The following ITGB1 variants were observed in gnomAD, a reference collection of about 807,000 sequenced individuals.
The protein encoded by ITGB1 is integrin subunit beta 1.
A neutral mutation model predicts 86.5 loss-of-function variants in ITGB1; 24 were observed. That is an observed-to-expected ratio of 0.28 (90% confidence interval 0.20 to 0.39). ITGB1 has a LOEUF of 0.39. Among genes scored for constraint, ITGB1 ranks in the 10% least tolerant of loss-of-function variants. ITGB1 has a pLI of 1.00. For missense variants in ITGB1, 556 were observed against 946.9 expected (o/e 0.59, Z 5.42); for synonymous variants, 323 against 316.8 (o/e 1.02, Z -0.21).
intron 11 of ITGB1, among the ~76,000 whole-genome samples, chr10:32,916,398 T>C (rs1405652712): frequency 2.0e-5 from 3 of 152,190 alleles, no homozygotes; most frequent in Non-Finnish European, 2.9e-5. Context: ...GGAAATCAAA[T>C]TGTCCCTGTT....
chr10:32,923,813 T>C, intron 6 of ITGB1, 73 bp from the exon 7 acceptor site: 1 of 1,197,458 alleles, frequency 8.4e-7, no homozygotes, highest in Non-Finnish European at 1.2e-6. Context: ...AATTTTCATA[T>C]AGGCCACCAT....
At chr10:32,925,757 TAATCA>T in intron 6 of ITGB1, 109 bp downstream of exon 6, 2 of 724,382 alleles carry the variant, frequency 2.8e-6, no homozygotes. Context: ...TTCTCTAAGA[TAATCA>T]AATCTATGAA....
Position 32,901,255 on chromosome 10 carries a change from C to T in ITGB1, c.*315G>A. ...TCATGCTCATTACTTTAACTATTGC[C>T]CTTTCAATCGCTATAGAAATATCAC... On this transcript the variant is annotated 3_prime_UTR_variant, in exon 16 of 16. Transcript: ENST00000302278. The T allele has an allele frequency of 4.4e-6, 1 of 228,824 alleles. No individual in the cohort carries two copies. The highest frequency in any genetic ancestry group is 6.2e-5 in the Admixed American group (1 of 16,058). 14.2% of individuals were successfully genotyped at this position (228,824 alleles called of 1,614,324 possible).
chr10:32,905,866 T>C (rs1056174562), intron 15 of ITGB1, among the ~76,000 whole-genome samples: 2 of 152,198 alleles, frequency 1.3e-5, no homozygotes, highest in Non-Finnish European at 2.9e-5. Context: ...GTCAGTCAGT[T>C]GGGAAAGAGA....
chr10:32,932,097 T>C (rs139340156), intron 3 of ITGB1, among the ~76,000 whole-genome samples: 6,233 of 152,166 alleles, frequency 0.041, 139 homozygotes, highest in Non-Finnish European at 0.052. Context: ...ATGACTAGGA[T>C]TTTTTTGAAG....
intron 11 of ITGB1, among the ~76,000 whole-genome samples, chr10:32,915,595 C>A (rs1196065114): frequency 6.6e-6 from 1 of 151,968 alleles, no homozygotes; most frequent in African/African-American, 2.4e-5. Flanking sequence ...ACAAATACAC[C>A]CTCCCAAGAC....
intron 1 of ITGB1, among the ~76,000 whole-genome samples, chr10:32,940,737 T>C (rs2095016442): frequency 6.6e-6 from 1 of 152,222 alleles, no homozygotes; most frequent in Non-Finnish European, 1.5e-5. Context: ...TCATCACTCA[T>C]TCATTCACAA....
chr10:32,911,774 C>T (rs911421858), intron 12 of ITGB1, 104 bp from the exon 13 acceptor site: 24 of 1,423,130 alleles, frequency 1.7e-5, no homozygotes, highest in East Asian at 2.3e-5. Flanking sequence ...TACCTAGGGG[C>T]GAGACTGACC....
chr10:32,926,548 C>G (rs1323737468), intron 5 of ITGB1, among the ~76,000 whole-genome samples: 1 of 152,160 alleles, frequency 6.6e-6, no homozygotes, highest in African/African-American at 2.4e-5. Flanking sequence ...CTCCCCAACT[C>G]TTGCTCCTGC....
At chr10:32,941,089 C>T (rs2095017223) in intron 1 of ITGB1, among the ~76,000 whole-genome samples, 1 of 152,146 alleles carries the variant, frequency 6.6e-6, no homozygotes, top group Non-Finnish European at 1.5e-5. Flanking sequence ...AGGCACATGG[C>T]AGTGTTTCAG....
At chr10:32,911,783 C>A in intron 12 of ITGB1, 103 bp downstream of exon 12, 1 of 1,418,938 alleles carries the variant, frequency 7.0e-7, no homozygotes, top group South Asian at 1.2e-5. Flanking sequence ...GCGAGACTGA[C>A]CCTCAAGCTA....
chr10:32,902,093 C>T (rs1180306593), intron 15 of ITGB1, among the ~76,000 whole-genome samples: 1 of 152,132 alleles, frequency 6.6e-6, no homozygotes, highest in African/African-American at 2.4e-5. Flanking sequence ...GGGAGGTGTG[C>T]TTCTGGGGTC....
chr10:32,946,114 C>A (rs1249427205), intron 1 of ITGB1, among the ~76,000 whole-genome samples: 2 of 152,172 alleles, frequency 1.3e-5, no homozygotes, highest in African/African-American at 2.4e-5. Context: ...GTTTTAGGAT[C>A]TACTTGCCAG....
chr10:32,908,806 A>C lies in ITGB1; in HGVS notation c.2165-272T>G, dbSNP rs114913973. Among the ~76,000 whole-genome samples, 130 of 152,340 alleles carry C rather than the reference A, an allele frequency of 8.5e-4. No homozygotes were observed. The Middle Eastern group carries it at 0.01, about 12-fold the overall frequency. ...ATTTACTACAGAATGAAAAAGCATG[A>C]AAAACTTACATATAAGTCTAACAAA... is the stretch of plus-strand genomic sequence containing the variant. On this transcript the variant is annotated intron_variant, in intron 14 of 15. Transcript: ENST00000302278.
chr10:32,947,993 T>A (rs1355589937), intron 1 of ITGB1, among the ~76,000 whole-genome samples: 2 of 148,212 alleles, frequency 1.3e-5, no homozygotes, highest in African/African-American at 2.4e-5. Context: ...AATAAAGAAG[T>A]AACTATGGTT....
At position 32,912,087 on chromosome 10, in the gene ITGB1, T is replaced by C. The variant is rs1418466672; in HGVS notation, c.1507A>G (p.Ser503Gly). The change falls in exon 12 of 16, where the codon AGC becomes GGC. Residue 503 changes from serine (S) to glycine (G), a missense_variant. Coordinates refer to ENST00000302278, the MANE Select transcript of ITGB1 (RefSeq NM_002211.4). ...TCTTCACTGTTAACTTCATCTGTGC[T>C]GCATTCACAATGTCTACCAACACGC... ...EGRVGRHCEC[S>G]TDEVNSEDMD... 1.9e-6 allele frequency: 3 copies of C among 1,614,174 alleles called. No homozygotes were observed. Among genetic ancestry groups the C allele is most frequent in the Non-Finnish European group, 2.5e-6 (3 of 1,179,992 alleles).
intron 6 of ITGB1, among the ~76,000 whole-genome samples, chr10:32,925,260 T>C (rs973279932): frequency 6.6e-6 from 1 of 152,160 alleles, no homozygotes; most frequent in Non-Finnish European, 1.5e-5. Flanking sequence ...TACAAATTAT[T>C]GAACCAATAG....
At chr10:32,957,520 C>A (rs921552375) in intron 1 of ITGB1, among the ~76,000 whole-genome samples, 2 of 152,196 alleles carry the variant, frequency 1.3e-5, no homozygotes, top group African/African-American at 2.4e-5. Flanking sequence ...CCCCGGTCCC[C>A]AGCGGCTCCA....
At chr10:32,937,232 T>C (rs1463176996) in intron 1 of ITGB1, among the ~76,000 whole-genome samples, 1 of 152,182 alleles carries the variant, frequency 6.6e-6, no homozygotes, top group Non-Finnish European at 1.5e-5. Flanking sequence ...AGGGACTTAT[T>C]AGTCATTGCA....
Sources: gnomAD v4.1 joint callset for allele counts (sites outside exome capture counted in the v4.1 genomes callset) on GRCh38, gnomAD v4.1.1 for gene constraint, MANE v1.5 for transcripts, NCBI Gene and HGNC (gene_info 2026-07-23, HGNC 2026-07-21) for gene names.